CPM: variants seen among roughly 807,000 people sequenced by gnomAD.
CPM encodes the protein carboxypeptidase M, also known as renal carboxypeptidase.
CPM carries 35 observed loss-of-function variants against 46.4 expected under a neutral mutation model. The observed-to-expected ratio is 0.75, with a 90% confidence interval of 0.58 to 1.00. The LOEUF is 1.00. CPM is among the 50% of genes least tolerant of loss of function. CPM has a pLI of 0.00. For missense variants in CPM, 422 were observed against 530.4 expected (o/e 0.80, Z 2.01); for synonymous variants, 195 against 195.3 (o/e 1.00, Z 0.01).
chr12:68,894,093 G>GCAC (rs759634864), intron 2 of CPM, among the ~76,000 whole-genome samples: 6 of 152,176 alleles, frequency 3.9e-5, no homozygotes, highest in Admixed American at 6.5e-5. Context: ...CCCCTTGGCT[G>GCAC]CACCACCACC....
At chr12:68,868,329 G>A (rs1885546089) in intron 6 of CPM, among the ~76,000 whole-genome samples, 1 of 152,072 alleles carries the variant, frequency 6.6e-6, no homozygotes, top group African/African-American at 2.4e-5. Flanking sequence ...CAGGAAAACT[G>A]ACAGAGAGCC....
At chr12:68,932,559 T>A in intron 2 of CPM, 119 bp downstream of exon 2, 1 of 1,198,812 alleles carries the variant, frequency 8.3e-7, no homozygotes, top group Non-Finnish European at 1.2e-6. Context: ...ACCGGTTGAC[T>A]TGTTCTGTGC....
intron 2 of CPM, among the ~76,000 whole-genome samples, chr12:68,890,000 G>A (rs1592665084): frequency 6.6e-6 from 1 of 152,086 alleles, no homozygotes; most frequent in East Asian, 1.9e-4. Flanking sequence ...CTCACTTGGG[G>A]CTGATGCCAT....
chr12:68,955,193 C>T (rs1888994301), intron 1 of CPM, among the ~76,000 whole-genome samples: 1 of 150,842 alleles, frequency 6.6e-6, no homozygotes, highest in African/African-American at 2.5e-5. Flanking sequence ...GTGCCGCCAG[C>T]CACAGAGGCT....
chr12:68,950,084 G>A (rs1888910780), intron 1 of CPM, among the ~76,000 whole-genome samples: 1 of 152,208 alleles, frequency 6.6e-6, no homozygotes, highest in Non-Finnish European at 1.5e-5. Flanking sequence ...TGAGGGGGCA[G>A]ACAGCTACAC....
upstream of CPM, among the ~76,000 whole-genome samples, chr12:68,936,135 A>G (rs1888669182): frequency 6.6e-6 from 1 of 152,182 alleles, no homozygotes; most frequent in Non-Finnish European, 1.5e-5. Context: ...CAGGCCAGGG[A>G]CAGCACTGGC....
At chr12:68,941,191 G>GTT (rs1365664348) in intron 1 of CPM, among the ~76,000 whole-genome samples, 1 of 151,480 alleles carries the variant, frequency 6.6e-6, no homozygotes, top group African/African-American at 2.4e-5. Context: ...GTGTGTGTGT[G>GTT]TGTGTGTGTG....
At chr12:68,947,153 G>A (rs1033500518) in intron 1 of CPM, among the ~76,000 whole-genome samples, 2 of 152,202 alleles carry the variant, frequency 1.3e-5, no homozygotes, top group Non-Finnish European at 2.9e-5. Context: ...TTGAAATGGA[G>A]TTAAGTGGAG....
At chr12:68,932,657 T>C in intron 2 of CPM, 21 bp downstream of exon 2, 1 of 1,611,976 alleles carries the variant, frequency 6.2e-7, no homozygotes, top group Non-Finnish European at 8.5e-7. Context: ...TTTGGCAAAG[T>C]GTTCACGAGA....
At chr12:68,928,543 C>A (rs1217202719) in intron 2 of CPM, among the ~76,000 whole-genome samples, 1 of 152,146 alleles carries the variant, frequency 6.6e-6, no homozygotes, top group Non-Finnish European at 1.5e-5. Flanking sequence ...GAGGATAAGG[C>A]CTACTTTGAG....
In CPM at chr12:68,871,656, C is replaced by G. The variant is rs1160529232; in HGVS notation, c.431+128G>C. The G allele has an allele frequency of 5.0e-6, 5 of 1,010,020 alleles. No individual in the cohort carries two copies. The African/African-American group carries it at 8.0e-5, about 16-fold the overall frequency. 62.6% of individuals were successfully genotyped at this position (1,010,020 alleles called of 1,614,324 possible). A position where few individuals can be genotyped will look rare whatever the true frequency, so the allele number is the denominator to read the frequency against. On this transcript the variant is annotated intron_variant, in intron 4 of 8. Coordinates refer to ENST00000551568, the MANE Select transcript of CPM (RefSeq NM_198320.5). ...TGATGTGCCTTGAGCTTTGGCACATCAGCGACATGACACCGGCTCTGAGGG... is the reference window on the plus strand; with the variant it reads ...TGATGTGCCTTGAGCTTTGGCACATGAGCGACATGACACCGGCTCTGAGGG...
At chr12:68,906,625 G>A (rs1322135572) in intron 2 of CPM, among the ~76,000 whole-genome samples, 2 of 152,096 alleles carry the variant, frequency 1.3e-5, no homozygotes, top group African/African-American at 4.8e-5. Flanking sequence ...GAGTACCTGG[G>A]ATTACAGGTA....
At chr12:68,923,962 T>A (rs1453159263) in intron 2 of CPM, among the ~76,000 whole-genome samples, 1 of 151,974 alleles carries the variant, frequency 6.6e-6, no homozygotes, top group African/African-American at 2.4e-5. Flanking sequence ...CAAAAAAGAT[T>A]TTGGTTTTAG....
At chr12:68,954,288 T>C (rs2136336820) in intron 1 of CPM, among the ~76,000 whole-genome samples, 1 of 152,316 alleles carries the variant, frequency 6.6e-6, no homozygotes, top group East Asian at 1.9e-4. Context: ...TGACATACAT[T>C]CCTTCAGTCC....
At chr12:68,871,282 T>A (rs901837819) in intron 4 of CPM, among the ~76,000 whole-genome samples, 12 of 152,168 alleles carry the variant, frequency 7.9e-5, no homozygotes, top group Non-Finnish European at 1.2e-4. Flanking sequence ...TGGACAGGAT[T>A]CCTGCCTGCA....
At chr12:68,900,607 A>C (rs1397770127) in intron 2 of CPM, among the ~76,000 whole-genome samples, 1 of 152,232 alleles carries the variant, frequency 6.6e-6, no homozygotes, top group Non-Finnish European at 1.5e-5. Flanking sequence ...TATCATTGCC[A>C]AAACTTGAAA....
chr12:68,892,628 G>C (rs547253074), intron 2 of CPM, among the ~76,000 whole-genome samples: 7 of 152,286 alleles, frequency 4.6e-5, no homozygotes, highest in African/African-American at 1.7e-4. Context: ...GGGAGGCCAA[G>C]GCAGGCGGAT....
rs60784999 is a variant in CPM at position 68,954,320 on chromosome 12, C to T, written c.-4+8849G>A. On this transcript the variant is annotated intron_variant, in intron 1 of 8. Transcript: ENST00000546373. ...GTCCCCTCACTCTGTTCCCATCTCT[C>T]TGAAACTGCCCTATAAAGGTTGCCA... is the stretch of plus-strand genomic sequence containing the variant. Among the ~76,000 whole-genome samples the T allele has an allele frequency of 6.8e-3, 1,043 of 152,300 alleles. 16 individuals are homozygous for T. The highest frequency in any genetic ancestry group is 0.023 in the African/African-American group (966 of 41,562).
At position 68,932,797 on chromosome 12, in the gene CPM, A is replaced by G. The variant is rs1888566338; in HGVS notation, c.41T>C (p.Leu14Ser). 6.2e-7 allele frequency: 1 copy of G among 1,614,054 alleles called. No individual in the cohort carries two copies. Residue 14 changes from leucine (L) to serine (S), a missense_variant, in exon 2 of 9, where the codon TTG (leucine) becomes TCG (serine). Transcript: ENST00000551568. The part of the protein sequence containing the change: ...PCLWLGLLLP[L>S]VAALDFNYHR... ...GTAGTTGAAATCCAGCGCAGCTACC[A>G]AAGGCAGCAACAGCCCTAGCCAGAG...
Sources: gnomAD v4.1 joint callset for allele counts (sites outside exome capture counted in the v4.1 genomes callset) on GRCh38, gnomAD v4.1.1 for gene constraint, MANE v1.5 for transcripts, NCBI Gene and HGNC (gene_info 2026-07-23, HGNC 2026-07-21) for gene names.